The following RECQL4 variants were observed in gnomAD, a reference collection of about 807,000 sequenced individuals.
RECQL4 encodes ATP-dependent DNA helicase Q4.
Under a neutral mutation model 128.6 loss-of-function variants are expected in RECQL4, and 158 were observed. That is an observed-to-expected ratio of 1.23 (90% CI 1.08 to 1.40). The LOEUF is 1.40. RECQL4 is among the 40% of genes most tolerant of loss of function. The pLI is 0.00. For missense variants in RECQL4, 2,293 were observed against 1,649.8 expected (o/e 1.39, Z -6.75); for synonymous variants, 996 against 678.9 (o/e 1.47, Z -7.26).
In RECQL4 at chr8:144,515,133, C is replaced by T. The variant is rs1216774380; in HGVS notation, c.1483+17G>A. 6.4e-7 allele frequency: 1 copy of T among 1,568,964 alleles called. No homozygotes were observed. Among genetic ancestry groups the T allele is most frequent in the African/African-American group, 1.4e-5 (1 of 73,878 alleles). On this transcript the variant is annotated intron_variant, in intron 8 of 20. Transcript: ENST00000617875. ...GCCTGGCCTCAGCCCAGCCTCAGCC[C>T]TGGCAGCCACGCTCACCAGACAGGA...
At chr8:144,516,829 C>G (rs1326447378) in intron 4 of RECQL4, 65 bp from the exon 5 acceptor site, 1 of 1,454,996 alleles carries the variant, frequency 6.9e-7, no homozygotes, top group Non-Finnish European at 9.2e-7. Context: ...GACTCTAAAA[C>G]CTACCTGAGT....
Position 144,517,195 on chromosome 8 carries a change from A to C in RECQL4, c.214-5T>G, listed in dbSNP as rs756714677. ...CCAGCAGCGGGGCTCTGGCGCCTGCAGGAGACAACAGGGGCACAGGCCAGA... is the reference window on the plus strand; with the variant it reads ...CCAGCAGCGGGGCTCTGGCGCCTGCCGGAGACAACAGGGGCACAGGCCAGA... On this transcript the variant is annotated splice_region_variant and splice_polypyrimidine_tract_variant and intron_variant, in intron 3 of 20. Transcript: ENST00000617875. 2.4e-5 allele frequency: 38 copies of C among 1,593,908 alleles called. No individual in the cohort carries two copies. The South Asian group carries it at 4.3e-4, about 18-fold the overall frequency.
At chr8:144,516,830 C>G (rs1422291891) in intron 4 of RECQL4, 66 bp from the exon 5 acceptor site, 2 of 1,449,750 alleles carry the variant, frequency 1.4e-6, no homozygotes, top group African/African-American at 1.4e-5. Context: ...ACTCTAAAAC[C>G]TACCTGAGTC....
chr8:144,517,038 C>G lies in RECQL4; in HGVS notation c.354+12G>C, dbSNP rs1248741169. 2 of 1,606,008 alleles carry G rather than the reference C, an allele frequency of 1.2e-6. No homozygotes were observed. The highest frequency in any genetic ancestry group is 4.5e-5 in the East Asian group (2 of 44,668). On this transcript the variant is annotated intron_variant, in intron 4 of 20. Coordinates refer to ENST00000617875, the MANE Select transcript of RECQL4 (RefSeq NM_004260.4). Reference sequence around the variant, plus strand: ...GGACCTAGCGTGGACTCACTGCCTGCCCACTCCTCACCTGCAGGGTGCCTT... The same window carrying G: ...GGACCTAGCGTGGACTCACTGCCTGGCCACTCCTCACCTGCAGGGTGCCTT...
In RECQL4 at chr8:144,516,291, C is replaced by T; in HGVS notation, c.828G>A (p.Gln276=). Residue 276 remains glutamine, a synonymous_variant, in exon 5 of 21, where the codon CAG becomes CAA. Coordinates refer to ENST00000617875, the MANE Select transcript of RECQL4 (RefSeq NM_004260.4). ...GGGGTCCAGCTTGGCTGCTCTCCTG[C>T]TGGACCTGTGCGGGGCTCTCCCAGG... The part of the protein sequence containing the change: ...EEPWESPAQV[Q]QESSQAGPPS... 1 of 1,610,956 alleles carries T rather than the reference C, an allele frequency of 6.2e-7. No individual in the cohort carries two copies. Among genetic ancestry groups the T allele is most frequent in the Non-Finnish European group, 8.5e-7 (1 of 1,179,152 alleles).
In RECQL4 at chr8:144,512,435, C is replaced by G. The variant is rs767281689; in HGVS notation, c.3012G>C (p.Arg1004=). 2 of 1,609,970 alleles carry G rather than the reference C, an allele frequency of 1.2e-6. No homozygotes were observed. Among genetic ancestry groups the G allele is most frequent in the Admixed American group, 3.3e-5 (2 of 59,922 alleles). The change falls in exon 17 of 21, where the codon CGG becomes CGC. Residue 1004 remains arginine (R), a synonymous_variant. Transcript: ENST00000617875. ...DSMGWELASV[R]RALCQLQWDH... is the part of the protein sequence containing the mutation. Reference sequence around the variant, plus strand: ...CCCACTGCAGCTGGCAGAGAGCCCGCCGCACAGAGGCCAGCTCCCAGCCCA... The same window carrying G: ...CCCACTGCAGCTGGCAGAGAGCCCGGCGCACAGAGGCCAGCTCCCAGCCCA...
In RECQL4 at chr8:144,516,162, G is replaced by A. The variant is rs984872657; in HGVS notation, c.957C>T (p.Tyr319=). The change falls in exon 5 of 21, where the codon TAC becomes TAT. Residue 319 remains tyrosine, a synonymous_variant. Coordinates refer to ENST00000617875, the MANE Select transcript of RECQL4 (RefSeq NM_004260.4). ...CTTGACTGGAGGGGCTGAGTCCGTG[G>A]TACCTGGGGTTCGATGGGCTGCTGC... The part of the protein sequence containing the change: ...QPCSSPSNPR[Y]HGLSPSSQAR... The A allele has an allele frequency of 6.2e-7, 1 of 1,613,322 alleles. No homozygotes were observed. The highest frequency in any genetic ancestry group is 1.3e-5 in the African/African-American group (1 of 74,924).
intron 9 of RECQL4, 49 bp from the exon 10 acceptor site, chr8:144,514,574 C>T (rs756740169): frequency 2.3e-5 from 36 of 1,561,684 alleles, no homozygotes; most frequent in Non-Finnish European, 3.1e-5. Flanking sequence ...AGCCCTGGCC[C>T]TTCCCCAAGT....
Position 144,511,527 on chromosome 8 carries a change from G to C in RECQL4, c.3531C>G (p.Tyr1177Ter), listed in dbSNP as rs139228543. 1 of 1,612,460 alleles carries C rather than the reference G, an allele frequency of 6.2e-7. No homozygotes were observed. The highest frequency in any genetic ancestry group is 1.7e-5 in the Admixed American group (1 of 60,020). ...TTCTCCAGAAGCGTCGGTCCTGCCCGTACACCTGGGCCGGGTAGCAGGGGC... is the reference window on the plus strand; with the variant it reads ...TTCTCCAGAAGCGTCGGTCCTGCCCCTACACCTGGGCCGGGTAGCAGGGGC... ...IGSPCYPAQV[Y>*]GQDRRFWRKY... is the part of the protein sequence containing the mutation. The change falls in exon 21 of 21, where the codon TAC becomes TAG. Residue 1177 changes from tyrosine (Y) to a stop codon, truncating the protein, a stop_gained. Coordinates refer to ENST00000617875, the MANE Select transcript of RECQL4 (RefSeq NM_004260.4). LOFTEE classifies it low-confidence loss of function (END_TRUNC).
In RECQL4 at chr8:144,514,065, TGAG is replaced by T. The variant is rs1564798241; in HGVS notation, c.1918_1920del (p.Leu640del). On this transcript the variant is annotated inframe_deletion, in exon 12 of 21. Transcript: ENST00000617875. Reference sequence around the variant, plus strand: ...GCAGTGCGGCGTGTGGCTGTGGCTGTGAGGCCCAGGAAGCAGTGCACGCCCATG... The same window carrying T: ...GCAGTGCGGCGTGTGGCTGTGGCTGTGCCCAGGAAGCAGTGCACGCCCATG... 7 of 1,589,498 alleles carry T rather than the reference TGAG, an allele frequency of 4.4e-6. No individual in the cohort carries two copies. Among genetic ancestry groups the T allele is most frequent in the Non-Finnish European group, 6.0e-6 (7 of 1,169,212 alleles).
rs770138542 is a variant in RECQL4, at chr8:144,511,459, G to A, written c.3599C>T (p.Thr1200Met). The A allele has an allele frequency of 2.0e-5, 32 of 1,612,380 alleles. 1 individual carries two copies. The highest frequency in any genetic ancestry group is 1.6e-4 in the South Asian group (15 of 91,094). ...GCGGGCCACCTGCAGGAGCTCTTCC[G>A]TGGCCAGGCCCACCAGGGCATGGAA... The part of the protein sequence containing the change: ...LSFHALVGLA[T>M]EELLQVAR Residue 1200 changes from threonine (T) to methionine (M), a missense_variant, in exon 21 of 21, where the codon ACG (threonine) becomes ATG (methionine). By Grantham distance (81) the Thr-to-Met change is moderately conservative (BLOSUM62 -1). Transcript: ENST00000617875.
chr8:144,512,492 C>T lies in RECQL4; in HGVS notation c.2955G>A (p.Val985=), dbSNP rs1244297736. The stretch of plus-strand genomic sequence containing the variant: ...CCACCAGCTTGACCATGTCAAACTC[C>T]ACGGAGCTGCTGCCTTGCCCTGGGT... The part of the protein sequence containing the change: ...PEDPGQGSSS[V]EFDMVKLVDS... Residue 985 remains valine (V), a synonymous_variant, in exon 17 of 21, where the codon GTG becomes GTA. Coordinates refer to ENST00000617875, the MANE Select transcript of RECQL4 (RefSeq NM_004260.4). 21 of 1,612,478 alleles carry T rather than the reference C, an allele frequency of 1.3e-5. No individual in the cohort carries two copies. Among genetic ancestry groups the T allele is most frequent in the South Asian group, 5.5e-5 (5 of 91,084 alleles).
intron 19 of RECQL4, 29 bp from the exon 20 acceptor site, chr8:144,511,818 C>T (rs767643917): frequency 4.0e-5 from 65 of 1,611,794 alleles, no homozygotes; most frequent in Admixed American, 3.7e-4. Flanking sequence ...CAGGCTTCCT[C>T]TGAGCTCCCG....
rs569844897 is a variant in RECQL4, at chr8:144,513,596, G to A, written c.2175C>T (p.His725=). 2.2e-5 allele frequency: 36 copies of A among 1,609,038 alleles called. No homozygotes were observed. The highest frequency in any genetic ancestry group is 1.1e-4 in the East Asian group (5 of 44,732). ...RIAALLRTCL[H]AAWVPGSGGR... is the part of the protein sequence containing the mutation. ...CTCCAGACCCTGGGACCCAGGCTGC[G>A]TGCAGGCAGGTTCGGAGGAGCGCAG... Residue 725 remains histidine, a synonymous_variant, in exon 13 of 21, where the codon CAC becomes CAT. Transcript: ENST00000617875.
Position 144,512,030 on chromosome 8 carries a change from G to A in RECQL4, c.3274C>T (p.Gln1092Ter). The change falls in exon 19 of 21, where the codon CAG (glutamine) becomes TAG (stop). Residue 1092 changes from glutamine (Q) to a stop codon, truncating the protein, a stop_gained. Transcript: ENST00000617875. LOFTEE classifies it high-confidence loss of function. Reference protein sequence around the residue: ...FPSCGPCLEQQDEERSTRLKD... With the variant: ...FPSCGPCLEQ ...AGCCTGGTGCTGCGCTCCTCATCCT[G>A]CTGCTCCAGGCAGGGCCCGCAGCTG... 6.2e-7 allele frequency: 1 copy of A among 1,608,696 alleles called. No individual in the cohort carries two copies. The highest frequency in any genetic ancestry group is 8.5e-7 in the Non-Finnish European group (1 of 1,178,780).
chr8:144,513,087 A>C lies in RECQL4; in HGVS notation c.2515T>G (p.Phe839Val). ...TGTACCAGCCTCTTCACAGCCAGGA[A>C]GTCCGTGCTGTCGGCGTGCACATGT... is the stretch of plus-strand genomic sequence containing the variant. ...RRHVHADSTD[F>V]LAVKRLVQRV... Residue 839 changes from phenylalanine to valine, a missense_variant, in exon 15 of 21, where the codon TTC becomes GTC. By Grantham distance (50) the Phe-to-Val change is conservative (BLOSUM62 -1). Transcript: ENST00000617875. 1 of 1,576,584 alleles carries C rather than the reference A, an allele frequency of 6.3e-7. No homozygotes were observed. Among genetic ancestry groups the C allele is most frequent in the Non-Finnish European group, 8.6e-7 (1 of 1,159,302 alleles).
rs200002105 is a variant in RECQL4 at position 144,513,455 on chromosome 8, C to T, written c.2226G>A (p.Glu742=). 3 of 1,609,720 alleles carry T rather than the reference C, an allele frequency of 1.9e-6. No homozygotes were observed. Among genetic ancestry groups the T allele is most frequent in the Non-Finnish European group, 2.5e-6 (3 of 1,179,814 alleles). Residue 742 remains glutamate, a synonymous_variant, in exon 14 of 21, where the codon GAG becomes GAA. Transcript: ENST00000617875. ...SGGRAPKTTA[E]AYHAGMCSRE... is the part of the protein sequence containing the mutation. The stretch of plus-strand genomic sequence containing the variant: ...GGCTGCACATGCCCGCGTGGTAGGC[C>T]TCGGCTGTGGTTTTGGGGGCACGAC...
rs1214839248 is a variant in RECQL4 at position 144,511,906 on chromosome 8, C to G, written c.3393+5G>C. Reference sequence around the variant, plus strand: ...CGATGAGCTGCCTGGCCTTACTGCACTCACTCTGGCCTGCCCTGGCTCGGG... The same window carrying G: ...CGATGAGCTGCCTGGCCTTACTGCAGTCACTCTGGCCTGCCCTGGCTCGGG... On this transcript the variant is annotated splice_donor_5th_base_variant and intron_variant, in intron 19 of 20. Transcript: ENST00000617875. 6.2e-7 allele frequency: 1 copy of G among 1,610,484 alleles called. No individual in the cohort carries two copies. Among genetic ancestry groups the G allele is most frequent in the Admixed American group, 1.7e-5 (1 of 60,012 alleles).
intron 11 of RECQL4, 24 bp from the exon 12 acceptor site, chr8:144,514,131 T>A (rs748961132): frequency 6.2e-7 from 1 of 1,610,026 alleles, no homozygotes; most frequent in South Asian, 1.1e-5. Context: ...GGCAGTGGTG[T>A]GAGGCCGCCC....
Sources: allele counts gnomAD v4.1 joint callset, GRCh38; gene constraint gnomAD v4.1.1; transcripts MANE v1.5; gene names NCBI Gene and HGNC (gene_info 2026-07-23, HGNC 2026-07-21).